ABCA6: variants seen among roughly 807,000 people sequenced by gnomAD.
ABCA6 encodes ATP-binding cassette sub-family A member 6.
A neutral mutation model predicts 191.2 loss-of-function variants in ABCA6; 164 were observed. The observed-to-expected ratio is 0.86, with a 90% CI of 0.76 to 0.98. ABCA6 has a LOEUF of 0.98. Ranked by LOEUF, ABCA6 falls within the 50% of genes least tolerant of loss-of-function variation. The probability of loss-of-function intolerance (pLI) is 0.00; values close to 1 mark genes in which losing one functional copy is unlikely to be tolerated. For synonymous variants in ABCA6, 636 were observed against 647.7 expected, an observed-to-expected ratio of 0.98 and a Z score of 0.27; for missense variants, 1,958 against 1,894.1, an observed-to-expected ratio of 1.03 and a Z score of -0.63.
At chr17:69,123,465 AG>A in intron 9 of ABCA6, 58 bp from the exon 10 acceptor site, 1 of 1,234,212 alleles carries the variant, frequency 8.1e-7, no homozygotes, top group Non-Finnish European at 1.1e-6. Flanking sequence ...TGCGCAAAGA[AG>A]CCTTGCTAAC....
At chr17:69,131,665 T>G (rs1476343300) in intron 6 of ABCA6, among the ~76,000 whole-genome samples, 1 of 152,176 alleles carries the variant, frequency 6.6e-6, no homozygotes, top group African/African-American at 2.4e-5. Flanking sequence ...GTCATAAAGT[T>G]TATTTCCACT....
rs1203529284 is a variant in ABCA6 at position 69,136,484 on chromosome 17, C to A, written c.302-234G>T. On this transcript the variant is annotated intron_variant, in intron 3 of 38. Transcript: ENST00000284425. Reference sequence around the variant, plus strand: ...ATTTTCATAATGACAAGTATCAGGGCAAGTTTTAGGTACATAAAGAAAAAA... The same window carrying A: ...ATTTTCATAATGACAAGTATCAGGGAAAGTTTTAGGTACATAAAGAAAAAA... Among the ~76,000 whole-genome samples the A allele has an allele frequency of 2.6e-5, 4 of 152,076 alleles. No individual in the cohort carries two copies. The East Asian group carries it at 5.8e-4, about 22-fold the overall frequency.
At chr17:69,112,474 T>C (rs2073443341) in intron 15 of ABCA6, 2 of 479,504 alleles carry the variant, frequency 4.2e-6, no homozygotes, top group Non-Finnish European at 7.4e-6. Context: ...TATTCAGCCA[T>C]AAAAGAGAAT....
At chr17:69,102,792 A>G (rs2073209441) in intron 21 of ABCA6, 43 bp downstream of exon 21, 1 of 1,544,180 alleles carries the variant, frequency 6.5e-7, no homozygotes, top group East Asian at 2.4e-5. Context: ...GCTAAAATGT[A>G]GTACTTTTTG....
Position 69,140,733 on chromosome 17 carries a change from C to T in ABCA6, c.-30G>A, listed in dbSNP as rs777463779. 2 of 1,433,440 alleles carry T rather than the reference C, an allele frequency of 1.4e-6. No homozygotes were observed. The highest frequency in any genetic ancestry group is 2.5e-5 in the East Asian group (1 of 39,582). The allele number at this position is 1,433,440 out of a possible 1,614,324, so 88.8% of individuals were successfully genotyped here. On this transcript the variant is annotated 5_prime_UTR_variant, in exon 2 of 39. The change abolishes an upstream ATG in the 5' untranslated region. Coordinates refer to ENST00000284425, the MANE Select transcript of ABCA6 (RefSeq NM_080284.3). ...CCTATTCGCTGAAGGAGAAAGTAATCATGGTGGAACACAACCTAGAAAAAA... is the reference window on the plus strand; with the variant it reads ...CCTATTCGCTGAAGGAGAAAGTAATTATGGTGGAACACAACCTAGAAAAAA...
At position 69,140,620 on chromosome 17, in the gene ABCA6, T is replaced by C; in HGVS notation, c.84A>G (p.Arg28=). The C allele has an allele frequency of 6.3e-7, 1 of 1,598,458 alleles. No individual in the cohort carries two copies. Among genetic ancestry groups the C allele is most frequent in the Admixed American group, 1.7e-5 (1 of 57,476 alleles). The change falls in exon 2 of 39, where the codon AGA becomes AGG. Residue 28 remains arginine (R), a synonymous_variant. Coordinates refer to ENST00000284425, the MANE Select transcript of ABCA6 (RefSeq NM_080284.3). The part of the protein sequence containing the change: ...KNFLKKWRMK[R]ESLLEWGLSI... ...TTTTTAAACATACCAATAAGCTCTC[T>C]CTTTTCATCCTCCATTTCTTAAGAA...
intron 20 of ABCA6, among the ~76,000 whole-genome samples, chr17:69,103,244 C>A (rs908930325): frequency 6.6e-6 from 1 of 151,820 alleles, no homozygotes; most frequent in African/African-American, 2.4e-5. Context: ...TTTTGGTAAA[C>A]AACAACAACA....
intron 25 of ABCA6, among the ~76,000 whole-genome samples, chr17:69,092,014 C>T (rs1461785805): frequency 2.6e-5 from 4 of 152,128 alleles, no homozygotes; most frequent in Admixed American, 1.3e-4. Flanking sequence ...GGAGCTTTCT[C>T]ATTGTCCTTC....
chr17:69,117,520 A>C (rs1194639584), intron 11 of ABCA6, among the ~76,000 whole-genome samples: 2 of 152,148 alleles, frequency 1.3e-5, no homozygotes, highest in South Asian at 2.1e-4. Context: ...ATCTTGCTTT[A>C]GTTAACCTCA....
chr17:69,128,580 T>C (rs749714060), intron 8 of ABCA6, 39 bp downstream of exon 8: 2 of 1,530,322 alleles, frequency 1.3e-6, no homozygotes, highest in South Asian at 1.2e-5. Flanking sequence ...TCTACTTCTT[T>C]TGAAATTTCA....
At chr17:69,117,501 G>A (rs953324752) in intron 11 of ABCA6, among the ~76,000 whole-genome samples, 1 of 151,946 alleles carries the variant, frequency 6.6e-6, no homozygotes, top group Non-Finnish European at 1.5e-5. Flanking sequence ...ATAGTCAATG[G>A]TTTTACTCAT....
In ABCA6 at chr17:69,089,514, G is replaced by T; in HGVS notation, c.3557C>A (p.Pro1186Gln). 1 of 1,613,356 alleles carries T rather than the reference G, an allele frequency of 6.2e-7. No individual in the cohort carries two copies. Among genetic ancestry groups the T allele is most frequent in the Non-Finnish European group, 8.5e-7 (1 of 1,179,794 alleles). Residue 1186 changes from proline to glutamine, a missense_variant, in exon 27 of 39, where the codon CCA becomes CAA. Pro to Gln is a moderately conservative substitution (Grantham distance 76, BLOSUM62 -1). Coordinates refer to ENST00000284425, the MANE Select transcript of ABCA6 (RefSeq NM_080284.3). ...VRDQEHYREF[P>Q]EANFELSATD... Reference sequence around the variant, plus strand: ...GGCACTCAATTCAAAATTTGCCTCTGGAAATTCTCTGTAGTGCTCCTGGTC... The same window carrying T: ...GGCACTCAATTCAAAATTTGCCTCTTGAAATTCTCTGTAGTGCTCCTGGTC...
chr17:69,130,700 C>T (rs1190170603), intron 6 of ABCA6, among the ~76,000 whole-genome samples: 1 of 152,104 alleles, frequency 6.6e-6, no homozygotes, highest in Admixed American at 6.5e-5. Flanking sequence ...TTAGATATTG[C>T]CATACCGTCC....
intron 20 of ABCA6, chr17:69,104,814 C>CA (rs770651516): frequency 2.0e-3 from 230 of 117,320 alleles, no homozygotes; most frequent in East Asian, 2.7e-3. Context: ...ACTAAAAATA[C>CA]AAAAAAAAAA....
intron 8 of ABCA6, among the ~76,000 whole-genome samples, chr17:69,125,571 A>G (rs904397742): frequency 6.6e-6 from 1 of 152,116 alleles, no homozygotes; most frequent in Non-Finnish European, 1.5e-5. Flanking sequence ...TAAAAATAAT[A>G]AGATTTTAAT....
In ABCA6 at chr17:69,123,511, T is replaced by C. The variant is rs910954210; in HGVS notation, c.1268-104A>G. 1.5e-5 allele frequency: 11 copies of C among 743,902 alleles called. No homozygotes were observed. In the African/African-American group the frequency reaches 1.6e-4, roughly 11 times the overall value. The allele number at this position is 743,902 out of a possible 1,614,324, so 46.1% of individuals were successfully genotyped here. Reference sequence around the variant, plus strand: ...GAATGCCTTGAAGTTTTAAGCATCATAGAGACATTTTTTCTTCTAAAACTC... The same window carrying C: ...GAATGCCTTGAAGTTTTAAGCATCACAGAGACATTTTTTCTTCTAAAACTC... On this transcript the variant is annotated intron_variant, in intron 9 of 38. Coordinates refer to ENST00000284425, the MANE Select transcript of ABCA6 (RefSeq NM_080284.3).
chr17:69,125,050 A>G lies in ABCA6; in HGVS notation c.1120-15T>C. The stretch of plus-strand genomic sequence containing the variant: ...AGTTTGATAATCTAAGATTCAAAAA[A>G]TAAAAATAAATGTTTAAAATAAATA... On this transcript the variant is annotated splice_polypyrimidine_tract_variant and intron_variant, in intron 8 of 38. Coordinates refer to ENST00000284425, the MANE Select transcript of ABCA6 (RefSeq NM_080284.3). 1 of 1,233,880 alleles carries G rather than the reference A, an allele frequency of 8.1e-7. No homozygotes were observed. The allele number at this position is 1,233,880 out of a possible 1,614,324, so 76.4% of individuals were successfully genotyped here. A position where few individuals can be genotyped will look rare whatever the true frequency, so the allele number is the denominator to read the frequency against.
At chr17:69,139,661 G>A (rs568230030) in intron 2 of ABCA6, among the ~76,000 whole-genome samples, 51 of 152,114 alleles carry the variant, frequency 3.4e-4, no homozygotes, top group African/African-American at 1.2e-3. Context: ...TGTTTACTGC[G>A]GCACTATTCA....
chr17:69,080,459 G>A (rs2072603376), intron 37 of ABCA6, among the ~76,000 whole-genome samples: 1 of 152,022 alleles, frequency 6.6e-6, no homozygotes, highest in African/African-American at 2.4e-5. Flanking sequence ...GGAATGACGG[G>A]GTTGAAAGCA....
Sources: allele counts gnomAD v4.1 joint callset (sites outside exome capture counted in the v4.1 genomes callset), GRCh38; gene constraint gnomAD v4.1.1; transcripts MANE v1.5; gene names NCBI Gene and HGNC (gene_info 2026-07-23, HGNC 2026-07-21).